GCLC: variants seen among roughly 807,000 people sequenced by gnomAD.
The protein encoded by GCLC is glutamate--cysteine ligase catalytic subunit.
In GCLC, 30 loss-of-function variants were observed where a neutral mutation model predicts 81.5. The observed-to-expected ratio is 0.37, with a 90% CI of 0.28 to 0.50. The LOEUF is 0.50. Ranked by LOEUF, GCLC falls within the 20% of genes least tolerant of loss-of-function variation. The probability of loss-of-function intolerance (pLI) is 0.96; values close to 1 mark genes in which losing one functional copy is unlikely to be tolerated. For synonymous variants in GCLC, 262 were observed against 273.3 expected (o/e 0.96, Z 0.41); for missense variants, 556 against 777.4 (o/e 0.72, Z 3.39).
rs139992408 is a variant in GCLC at position 53,505,710 on chromosome 6, T to G, written c.1290+93A>C. 1.0e-3 allele frequency: 840 copies of G among 832,890 alleles called. 11 individuals are homozygous for G. In the Middle Eastern group the frequency reaches 0.024, roughly 24 times the overall value. 51.6% of individuals were successfully genotyped at this position (832,890 alleles called of 1,614,324 possible). A position where few individuals can be genotyped will look rare whatever the true frequency, so the allele number is the denominator to read the frequency against. The stretch of plus-strand genomic sequence containing the variant: ...GCACATACTTAATTTTTATTTTATA[T>G]ATAAGAGCCTTCTCATAGCAGCATC... On this transcript the variant is annotated intron_variant, in intron 11 of 15. Coordinates refer to ENST00000650454, the MANE Select transcript of GCLC (RefSeq NM_001498.4).
chr6:53,507,744 G>T, intron 8 of GCLC, 126 bp from the exon 9 acceptor site: 1 of 427,702 alleles, frequency 2.3e-6, no homozygotes, highest in South Asian at 5.4e-5. Flanking sequence ...GCCCTAAAAA[G>T]TATTATTAAG....
At chr6:53,532,642 A>G (rs1763192736) in intron 1 of GCLC, among the ~76,000 whole-genome samples, 1 of 152,168 alleles carries the variant, frequency 6.6e-6, no homozygotes, top group South Asian at 2.1e-4. Context: ...CAGACTTACA[A>G]CCCAGATTTT....
chr6:53,524,969 T>C (rs1474462783), intron 1 of GCLC, among the ~76,000 whole-genome samples: 1 of 152,216 alleles, frequency 6.6e-6, no homozygotes. Flanking sequence ...ACGGATGACA[T>C]TTAAAATGTT....
chr6:53,530,733 A>C (rs1182182864), intron 1 of GCLC, among the ~76,000 whole-genome samples: 1 of 152,204 alleles, frequency 6.6e-6, no homozygotes, highest in Non-Finnish European at 1.5e-5. Flanking sequence ...GCATTTCACT[A>C]GAAGAGAATT....
rs1205446555 is a variant in GCLC, at chr6:53,522,469, G to A, written c.209C>T (p.Ser70Phe). The A allele has an allele frequency of 6.2e-7, 1 of 1,613,050 alleles. No individual in the cohort carries two copies. Among genetic ancestry groups the A allele is most frequent in the Non-Finnish European group, 8.5e-7 (1 of 1,179,092 alleles). ...CAGAGTTTCAAGAACTTTCTCCCCA[G>A]ACAGGACCAACCGGACTTTTTTATT... Reference protein sequence around the residue: ...HENKKVRLVLSGEKVLETLQE... With the variant: ...HENKKVRLVLFGEKVLETLQE... The change falls in exon 2 of 16, where the codon TCT becomes TTT. Residue 70 changes from serine to phenylalanine, a missense_variant. Coordinates refer to ENST00000650454, the MANE Select transcript of GCLC (RefSeq NM_001498.4).
chr6:53,535,650 G>C (rs1282125906), intron 1 of GCLC, among the ~76,000 whole-genome samples: 1 of 152,216 alleles, frequency 6.6e-6, no homozygotes, highest in Admixed American at 6.5e-5. Flanking sequence ...TTTTAGAACA[G>C]ACAAATGATT....
At chr6:53,504,167 T>C (rs891579326) in intron 12 of GCLC, among the ~76,000 whole-genome samples, 2 of 152,006 alleles carry the variant, frequency 1.3e-5, no homozygotes, top group Non-Finnish European at 2.9e-5. Context: ...TGAGACCCTG[T>C]CTCTAAAAAA....
intron 1 of GCLC, among the ~76,000 whole-genome samples, chr6:53,542,408 T>A (rs1763373404): frequency 6.6e-6 from 1 of 152,178 alleles, no homozygotes; most frequent in Non-Finnish European, 1.5e-5. Context: ...GGCTCTACTC[T>A]TCAGCTCTTC....
intron 9 of GCLC, 77 bp from the exon 10 acceptor site, chr6:53,507,102 A>G (rs1453850706): frequency 2.4e-6 from 2 of 835,370 alleles, no homozygotes; most frequent in Non-Finnish European, 4.2e-6. Flanking sequence ...AGACGACAGG[A>G]TAGCTCAGGA....
chr6:53,542,270 G>A (rs558686137), intron 1 of GCLC, among the ~76,000 whole-genome samples: 2 of 152,160 alleles, frequency 1.3e-5, no homozygotes, highest in South Asian at 2.1e-4. Flanking sequence ...CTCCTTTATA[G>A]ATGCATAATA....
chr6:53,512,075 A>T (rs373747381), intron 6 of GCLC, among the ~76,000 whole-genome samples: 2 of 151,180 alleles, frequency 1.3e-5, no homozygotes, highest in Non-Finnish European at 2.9e-5. Context: ...CAGACTCCTC[A>T]GTAGCTGGGA....
intron 1 of GCLC, among the ~76,000 whole-genome samples, chr6:53,523,733 A>G (rs561868249): frequency 6.6e-6 from 1 of 152,352 alleles, no homozygotes; most frequent in Middle Eastern, 3.4e-3. Flanking sequence ...AGCCGTCCTC[A>G]TCACAGAAAC....
At chr6:53,515,227 C>T (rs2127623221) in intron 4 of GCLC, among the ~76,000 whole-genome samples, 1 of 152,276 alleles carries the variant, frequency 6.6e-6, no homozygotes, top group Middle Eastern at 3.4e-3. Context: ...TTACATGTTT[C>T]TATGGGCAGT....
intron 15 of GCLC, among the ~76,000 whole-genome samples, chr6:53,499,795 C>A (rs1764467266): frequency 6.6e-6 from 1 of 152,066 alleles, no homozygotes; most frequent in African/African-American, 2.4e-5. Context: ...AATCCAGATG[C>A]CATTTCATCA....
In GCLC at chr6:53,544,824, C is replaced by A; in HGVS notation, c.-179G>T. ...CGCTCCGGCTCCCCGGCGGCGGCCC[C>A]TGGCGCCCAGGTGACAGACCCTGGG... On this transcript the variant is annotated 5_prime_UTR_variant, in exon 1 of 16. In the 5' UTR this introduces an upstream ATG that the reference lacks. Transcript: ENST00000650454. 1.9e-6 allele frequency: 1 copy of A among 516,538 alleles called. No individual in the cohort carries two copies. 32.0% of individuals were successfully genotyped at this position (516,538 alleles called of 1,614,324 possible).
At chr6:53,524,314 G>A (rs565670288) in intron 1 of GCLC, among the ~76,000 whole-genome samples, 1 of 152,332 alleles carries the variant, frequency 6.6e-6, no homozygotes, top group African/African-American at 2.4e-5. Flanking sequence ...AGCACACCTT[G>A]CTGCTAGGGC....
chr6:53,525,539 A>G (rs1440928945), intron 1 of GCLC, among the ~76,000 whole-genome samples: 1 of 152,232 alleles, frequency 6.6e-6, no homozygotes, highest in Non-Finnish European at 1.5e-5. Flanking sequence ...AAAAGAAAAT[A>G]ATAAAACAGA....
intron 1 of GCLC, among the ~76,000 whole-genome samples, chr6:53,526,030 C>T (rs1256552322): frequency 6.6e-6 from 1 of 152,082 alleles, no homozygotes; most frequent in Non-Finnish European, 1.5e-5. Flanking sequence ...GAATAAAAAC[C>T]ACTATTCTCA....
Position 53,498,927 on chromosome 6 carries a change from G to C in GCLC, c.1743C>G (p.Ile581Met), listed in dbSNP as rs138321238. The stretch of plus-strand genomic sequence containing the variant: ...CTTGCTTGTAGTCAGGATGGTTTGC[G>C]ATAAACTCCCTCATCCATCTGGCAA... Reference protein sequence around the residue: ...MTVARWMREFIANHPDYKQDS... With the variant: ...MTVARWMREFMANHPDYKQDS... Residue 581 changes from isoleucine to methionine, a missense_variant, in exon 16 of 16, where the codon ATC (isoleucine) becomes ATG (methionine). Ile to Met is a conservative substitution (Grantham distance 10). Transcript: ENST00000650454. The C allele has an allele frequency of 2.4e-5, 38 of 1,613,068 alleles. No individual in the cohort carries two copies. The highest frequency in any genetic ancestry group is 1.7e-4 in the Middle Eastern group (1 of 6,060).
Sources: allele counts gnomAD v4.1 joint callset (sites outside exome capture counted in the v4.1 genomes callset), GRCh38; gene constraint gnomAD v4.1.1; transcripts MANE v1.5; gene names NCBI Gene and HGNC (gene_info 2026-07-23, HGNC 2026-07-21).